The following OLFM3 variants were observed in gnomAD, a reference collection of about 807,000 sequenced individuals.
OLFM3 encodes the protein noelin-3.
Under a neutral mutation model 48.6 loss-of-function variants are expected in OLFM3, and 20 were observed. The ratio of observed to expected loss-of-function variants is 0.41; its 90% CI spans 0.29 to 0.60. OLFM3 has a LOEUF of 0.60. Among genes scored for constraint, OLFM3 ranks in the 20% least tolerant of loss-of-function variants. The pLI, the probability that OLFM3 is intolerant of heterozygous loss-of-function variation, is 0.28. For synonymous variants in OLFM3, 222 were observed against 198.1 expected, an observed-to-expected ratio of 1.12 and a Z score of -1.01; for missense variants, 437 against 544.3, an observed-to-expected ratio of 0.80 and a Z score of 1.96.
At chr1:101,817,282 G>C (rs935909514) in intron 4 of OLFM3, among the ~76,000 whole-genome samples, 2 of 152,116 alleles carry the variant, frequency 1.3e-5, no homozygotes, top group Non-Finnish European at 2.9e-5. Flanking sequence ...GAAGTTAGGA[G>C]TCTTGCTTCA....
At chr1:101,960,004 G>GT (rs2101082281) in intron 1 of OLFM3, among the ~76,000 whole-genome samples, 1 of 152,178 alleles carries the variant, frequency 6.6e-6, no homozygotes, top group South Asian at 2.1e-4. Flanking sequence ...CTCTATAGAG[G>GT]ATAAAAGTGT....
intron 1 of OLFM3, among the ~76,000 whole-genome samples, chr1:101,882,331 A>ATATATAT (rs1491099849): frequency 1.9e-5 from 2 of 107,406 alleles, no homozygotes; most frequent in African/African-American, 6.0e-5. Flanking sequence ...ATATATATAT[A>ATATATAT]ATATATATAT....
At chr1:101,812,631 T>C (rs1007179942) in intron 4 of OLFM3, 55 of 985,608 alleles carry the variant, frequency 5.6e-5, no homozygotes, top group Non-Finnish European at 6.5e-5. Context: ...TGGGGTGTCT[T>C]TGGCTTCGAT....
intron 1 of OLFM3, among the ~76,000 whole-genome samples, chr1:101,862,189 G>A (rs1656688254): frequency 6.6e-6 from 1 of 152,164 alleles, no homozygotes; most frequent in Admixed American, 6.5e-5. Context: ...CACCTGGGTT[G>A]AAAATTGAGG....
At chr1:101,867,488 C>T (rs556914017) in intron 1 of OLFM3, among the ~76,000 whole-genome samples, 21 of 152,240 alleles carry the variant, frequency 1.4e-4, no homozygotes, top group Middle Eastern at 3.4e-3. Context: ...AATACTATTC[C>T]AAAGTCAATC....
rs572931436 is a variant in OLFM3, at chr1:101,842,451, G to C, written c.70-5426C>G. 3.3e-5 allele frequency among the ~76,000 whole-genome samples: 5 copies of C among 152,228 alleles called. No homozygotes were observed. In the East Asian group the frequency reaches 5.8e-4, roughly 18 times the overall value. On this transcript the variant is annotated intron_variant, in intron 1 of 5. Coordinates refer to ENST00000370103, the MANE Select transcript of OLFM3 (RefSeq NM_058170.4). The stretch of plus-strand genomic sequence containing the variant: ...TGGGGTGAGATGGGGGGCCGCTGAA[G>C]TGGGAAGATGGCTTGAGCCTGGGAA...
chr1:101,869,648 C>G (rs1334763866), intron 1 of OLFM3, among the ~76,000 whole-genome samples: 1 of 152,084 alleles, frequency 6.6e-6, no homozygotes, highest in Admixed American at 6.6e-5. Context: ...TATGTTATGG[C>G]TGTGTCGTCA....
At chr1:101,871,697 CAA>C (rs760025697) in intron 1 of OLFM3, among the ~76,000 whole-genome samples, 18 of 151,766 alleles carry the variant, frequency 1.2e-4, no homozygotes, top group Non-Finnish European at 2.5e-4. Context: ...TAAATTGTAT[CAA>C]AAGAGTTAAA....
intron 1 of OLFM3, among the ~76,000 whole-genome samples, chr1:101,894,866 A>G (rs1188165475): frequency 6.6e-6 from 1 of 152,174 alleles, no homozygotes; most frequent in African/African-American, 2.4e-5. Context: ...TTCCAGTAGC[A>G]TGTTTGGAAA....
Position 101,830,936 on chromosome 1 carries a change from A to C in OLFM3, c.217-109T>G. ...CATAAAAACTAGAAGTGCCAAATTCATAACTGGGTTCCCATATGACACATT... is the reference window on the plus strand; with the variant it reads ...CATAAAAACTAGAAGTGCCAAATTCCTAACTGGGTTCCCATATGACACATT... On this transcript the variant is annotated intron_variant, in intron 2 of 5. Transcript: ENST00000370103. 4 of 860,296 alleles carry C rather than the reference A, an allele frequency of 4.6e-6. No homozygotes were observed. In the South Asian group the frequency reaches 6.9e-5, roughly 15 times the overall value. The allele number at this position is 860,296 out of a possible 1,614,324, so 53.3% of individuals were successfully genotyped here.
intron 1 of OLFM3, chr1:101,846,880 G>A (rs1259239084): frequency 1.2e-6 from 2 of 1,612,484 alleles, no homozygotes; most frequent in Admixed American, 1.7e-5. Flanking sequence ...GTGGTGTTCA[G>A]TCCCACCAAG....
In OLFM3 at chr1:101,845,115, C is replaced by G. The variant is rs573928380; in HGVS notation, c.70-8090G>C. On this transcript the variant is annotated intron_variant, in intron 1 of 5. Coordinates refer to ENST00000370103, the MANE Select transcript of OLFM3 (RefSeq NM_058170.4). ...TTTATTTTCAGTAGCCATAGTGAAA[C>G]CTTTTCTACATTTTCTGCTTTTGTT... Among the ~76,000 whole-genome samples the G allele has an allele frequency of 7.6e-4, 115 of 152,056 alleles. 1 individual carries two copies. The highest frequency in any genetic ancestry group is 6.2e-4 in the South Asian group (3 of 4,822).
At position 101,937,034 on chromosome 1, in the gene OLFM3, C is replaced by A. The variant is rs141449449; in HGVS notation, c.69+59714G>T. 3.9e-3 allele frequency among the ~76,000 whole-genome samples: 589 copies of A among 152,170 alleles called. 4 individuals carry two copies. Among genetic ancestry groups the A allele is most frequent in the African/African-American group, 0.013 (538 of 41,498 alleles). On this transcript the variant is annotated intron_variant, in intron 1 of 5. Coordinates refer to ENST00000370103, the MANE Select transcript of OLFM3 (RefSeq NM_058170.4). ...TTCTGGAAGTTAACCTGGGAAATAC[C>A]ATTTGGGACATAGGCCCTGACAAAG...
intron 1 of OLFM3, among the ~76,000 whole-genome samples, chr1:101,965,344 C>T (rs74397030): frequency 0.014 from 2,110 of 152,096 alleles, 50 homozygotes; most frequent in African/African-American, 0.048. Flanking sequence ...ACAAAGATTT[C>T]GAAGGAAGGA....
chr1:101,961,345 A>G (rs936141823), intron 1 of OLFM3, among the ~76,000 whole-genome samples: 4 of 152,082 alleles, frequency 2.6e-5, no homozygotes, highest in African/African-American at 9.7e-5. Context: ...TTATAGTAAC[A>G]TATTTAAAAT....
intron 1 of OLFM3, among the ~76,000 whole-genome samples, chr1:101,897,019 A>G (rs1658232706): frequency 6.6e-6 from 1 of 152,186 alleles, no homozygotes; most frequent in Non-Finnish European, 1.5e-5. Flanking sequence ...AACATCTGTC[A>G]TAGAACCTTC....
intron 1 of OLFM3, among the ~76,000 whole-genome samples, chr1:101,934,741 A>G (rs989218507): frequency 6.6e-6 from 1 of 150,494 alleles, no homozygotes; most frequent in Admixed American, 6.6e-5. Context: ...TCAGTAAATT[A>G]AAAAAAAACA....
intron 3 of OLFM3, among the ~76,000 whole-genome samples, chr1:101,828,029 T>TGTCTGTCTCTCCCC (rs1654952776): frequency 1.1e-5 from 1 of 91,590 alleles, no homozygotes; most frequent in African/African-American, 3.9e-5. Flanking sequence ...TCTCTCTCTC[T>TGTCTGTCTCTCCCC]CTCTGTCTGT....
chr1:101,806,221 G>A (rs756826590), intron 4 of OLFM3, 39 bp from the exon 5 acceptor site: 149 of 1,479,426 alleles, frequency 1.0e-4, no homozygotes, highest in Non-Finnish European at 1.4e-4. Flanking sequence ...GGTGAACGCA[G>A]CCAATGATTC....
Sources: gnomAD v4.1 joint callset for allele counts (sites outside exome capture counted in the v4.1 genomes callset) on GRCh38, gnomAD v4.1.1 for gene constraint, MANE v1.5 for transcripts, NCBI Gene and HGNC (gene_info 2026-07-23, HGNC 2026-07-21) for gene names.